The following EPHA5 variants were observed in gnomAD, a reference collection of about 807,000 sequenced individuals.
The protein encoded by EPHA5 is EPH receptor A5.
A neutral mutation model predicts 105.0 loss-of-function variants in EPHA5; 60 were observed. That is an observed-to-expected ratio of 0.57 (90% CI 0.46 to 0.71). EPHA5 has a LOEUF of 0.71. Among genes scored for constraint, EPHA5 ranks in the 30% least tolerant of loss-of-function variants. The pLI is 0.00. For missense variants in EPHA5, 1,218 were observed against 1,274.7 expected (o/e 0.96, Z 0.68); for synonymous variants, 513 against 449.1 (o/e 1.14, Z -1.80).
intron 5 of EPHA5, among the ~76,000 whole-genome samples, chr4:65,453,509 T>A (rs1443018004): frequency 2.0e-5 from 3 of 152,132 alleles, no homozygotes; most frequent in Non-Finnish European, 4.4e-5. Flanking sequence ...ATCAGCAGCA[T>A]CCTGATAAGA....
rs373719926 is a variant in EPHA5 at position 65,601,747 on chromosome 4, G to A, written c.804C>T (p.Thr268=). The A allele has an allele frequency of 1.2e-6, 2 of 1,613,934 alleles. No homozygotes were observed. Among genetic ancestry groups the A allele is most frequent in the African/African-American group, 1.3e-5 (1 of 74,892 alleles). ...VSGSCVNHSV[T]DEPPKMHCSA... is the part of the protein sequence containing the mutation. Reference sequence around the variant, plus strand: ...TGCAGTGCATTTTGGGAGGTTCATCGGTCACAGAATGGTTGACACAGGAGC... The same window carrying A: ...TGCAGTGCATTTTGGGAGGTTCATCAGTCACAGAATGGTTGACACAGGAGC... The change falls in exon 3 of 17, where the codon ACC becomes ACT. Residue 268 remains threonine (T), a synonymous_variant. Coordinates refer to ENST00000613740, the MANE Select transcript of EPHA5 (RefSeq NM_001281766.3).
chr4:65,442,970 G>A (rs1249638189), intron 5 of EPHA5, among the ~76,000 whole-genome samples: 1 of 152,094 alleles, frequency 6.6e-6, no homozygotes, highest in Non-Finnish European at 1.5e-5. Flanking sequence ...CATTTATACA[G>A]TGAACTTCTG....
intron 5 of EPHA5, among the ~76,000 whole-genome samples, chr4:65,433,710 C>A (rs575070882): frequency 4.6e-5 from 7 of 152,296 alleles, no homozygotes; most frequent in African/African-American, 1.7e-4. Flanking sequence ...ATTTCTATGT[C>A]TTTTCTATCC....
chr4:65,367,575 A>C, intron 8 of EPHA5, 151 bp from the exon 9 acceptor site: 1 of 670,474 alleles, frequency 1.5e-6, no homozygotes, highest in Non-Finnish European at 2.6e-6. Flanking sequence ...AGTAGTTTGG[A>C]TGAGACCTAT....
intron 11 of EPHA5, among the ~76,000 whole-genome samples, chr4:65,353,458 A>G (rs1006762924): frequency 2.0e-5 from 3 of 150,566 alleles, no homozygotes; most frequent in African/African-American, 7.3e-5. Flanking sequence ...TGAGTCAGTG[A>G]GAAAAATGTA....
At chr4:65,389,008 T>G (rs28713413) in intron 8 of EPHA5, among the ~76,000 whole-genome samples, 9,571 of 151,992 alleles carry the variant, frequency 0.063, 977 homozygotes, top group African/African-American at 0.22. Flanking sequence ...ATTGAATTCA[T>G]GCTAATTTGA....
At position 65,586,082 on chromosome 4, in the gene EPHA5, G is replaced by A. The variant is rs1387788956; in HGVS notation, c.910+15559C>T. ...GAGTACACTTAGGGAAATTGGATTT[G>A]CAGTCAAATTTTCCTTAATTATTGA... is the stretch of plus-strand genomic sequence containing the variant. On this transcript the variant is annotated intron_variant, in intron 3 of 16. Coordinates refer to ENST00000613740, the MANE Select transcript of EPHA5 (RefSeq NM_001281766.3). Among the ~76,000 whole-genome samples the A allele has an allele frequency of 2.0e-5, 3 of 151,478 alleles. No homozygotes were observed. The East Asian group carries it at 5.8e-4, about 29-fold the overall frequency.
intron 11 of EPHA5, among the ~76,000 whole-genome samples, chr4:65,356,898 A>G (rs1468772656): frequency 2.0e-5 from 3 of 151,460 alleles, no homozygotes; most frequent in Admixed American, 1.3e-4. Flanking sequence ...ATAAAACTGT[A>G]TAAACCATAT....
intron 8 of EPHA5, chr4:65,377,181 T>A: frequency 1.2e-6 from 1 of 848,188 alleles, no homozygotes; most frequent in Non-Finnish European, 1.7e-6. Context: ...CAAAAACCTC[T>A]AAATGCATAC....
At chr4:65,527,490 G>C (rs1237967760) in intron 3 of EPHA5, among the ~76,000 whole-genome samples, 2 of 152,036 alleles carry the variant, frequency 1.3e-5, no homozygotes, top group Non-Finnish European at 2.9e-5. Flanking sequence ...GTTTGGAAAG[G>C]TTTATGACAG....
chr4:65,466,268 G>A (rs548594978), intron 5 of EPHA5, among the ~76,000 whole-genome samples: 1 of 152,302 alleles, frequency 6.6e-6, no homozygotes, highest in Admixed American at 6.5e-5. Flanking sequence ...ATGGTTCTCG[G>A]CAGACATAAA....
chr4:65,465,763 G>A (rs185025317), intron 5 of EPHA5, among the ~76,000 whole-genome samples: 5 of 152,182 alleles, frequency 3.3e-5, no homozygotes, highest in East Asian at 3.9e-4. Context: ...AAAGATCCCC[G>A]CTTTAGCTCC....
At chr4:65,603,492 G>T (rs748361412) in intron 2 of EPHA5, among the ~76,000 whole-genome samples, 30 of 152,128 alleles carry the variant, frequency 2.0e-4, no homozygotes, top group Non-Finnish European at 3.4e-4. Flanking sequence ...AAACTTCATA[G>T]ACACTCATTT....
At chr4:65,363,169 T>G (rs1717501494) in intron 11 of EPHA5, among the ~76,000 whole-genome samples, 1 of 151,554 alleles carries the variant, frequency 6.6e-6, no homozygotes, top group African/African-American at 2.4e-5. Context: ...ATAGAATGGA[T>G]ATGGAGAAGT....
At chr4:65,452,144 T>C (rs1008879512) in intron 5 of EPHA5, among the ~76,000 whole-genome samples, 10 of 152,138 alleles carry the variant, frequency 6.6e-5, no homozygotes, top group African/African-American at 2.4e-4. Flanking sequence ...AAAAGTTTCA[T>C]GGACTTTCAG....
chr4:65,363,429 G>A (rs554095515), intron 11 of EPHA5, among the ~76,000 whole-genome samples: 53 of 151,512 alleles, frequency 3.5e-4, no homozygotes, highest in Non-Finnish European at 6.1e-4. Flanking sequence ...CAGAGTCCAT[G>A]TTCTTGACTA....
intron 3 of EPHA5, among the ~76,000 whole-genome samples, chr4:65,550,700 G>A (rs1442120830): frequency 3.9e-5 from 6 of 152,014 alleles, no homozygotes; most frequent in Non-Finnish European, 7.4e-5. Flanking sequence ...GCCAGGCATG[G>A]TGGCGCGCGC....
In EPHA5 at chr4:65,322,907, C is replaced by CA. The variant is rs1421791665; in HGVS notation, c.*1206dup. ...AGAGTCAAAATTTCTAGAACTGAGT[C>CA]AAAATGGGAATGGTTACAACGGATT... On this transcript the variant is annotated 3_prime_UTR_variant, in exon 17 of 17. Transcript: ENST00000613740. 9 of 229,134 alleles carry CA rather than the reference C, an allele frequency of 3.9e-5. No individual in the cohort carries two copies. In the East Asian group the frequency reaches 5.5e-4, roughly 14 times the overall value. The allele number at this position is 229,134 out of a possible 1,614,324, so 14.2% of individuals were successfully genotyped here.
At chr4:65,402,030 G>T (rs1405376805) in intron 8 of EPHA5, among the ~76,000 whole-genome samples, 2 of 152,076 alleles carry the variant, frequency 1.3e-5, no homozygotes, top group Non-Finnish European at 2.9e-5. Flanking sequence ...GGAGAGACCA[G>T]GTGGAGGTAA....
Sources: gnomAD v4.1 joint callset for allele counts (sites outside exome capture counted in the v4.1 genomes callset) on GRCh38, gnomAD v4.1.1 for gene constraint, MANE v1.5 for transcripts, NCBI Gene and HGNC (gene_info 2026-07-23, HGNC 2026-07-21) for gene names.